CASK: variants seen among roughly 807,000 people sequenced by gnomAD.
CASK encodes peripheral plasma membrane protein CASK.
A neutral mutation model predicts 82.9 loss-of-function variants in CASK; 4 were observed. The observed-to-expected ratio is 0.05, with a 90% CI of 0.02 to 0.11. CASK has a LOEUF of 0.11. Among genes scored for constraint, CASK ranks in the 10% least tolerant of loss-of-function variants. CASK has a pLI of 1.00. For missense variants in CASK, 358 were observed against 720.9 expected (o/e 0.50, Z 5.76); for synonymous variants, 259 against 253.5 (o/e 1.02, Z -0.20).
At chrX:41,554,938 C>G (rs2065142156) in intron 20 of CASK, among the ~76,000 whole-genome samples, 1 of 111,919 alleles carries the variant, frequency 8.9e-6, no homozygotes, top group African/African-American at 3.2e-5. Flanking sequence ...AACCTGAAGA[C>G]TTTGGAACCA....
intron 3 of CASK, among the ~76,000 whole-genome samples, chrX:41,777,370 T>A (rs2069384845): frequency 9.1e-6 from 1 of 109,311 alleles, no homozygotes; most frequent in Admixed American, 9.9e-5. Flanking sequence ...TGCATGCCTG[T>A]AGTCCCAGCT....
intron 2 of CASK, among the ~76,000 whole-genome samples, chrX:41,830,752 G>C (rs758340801): frequency 1.4e-4 from 15 of 104,381 alleles, no homozygotes; most frequent in Non-Finnish European, 3.9e-5. Flanking sequence ...CCCAGGAGGC[G>C]GAGCTTGCAG....
chrX:41,915,970 AGAGT>A (rs774235767), intron 1 of CASK, among the ~76,000 whole-genome samples: 2 of 111,398 alleles, frequency 1.8e-5, no homozygotes, highest in African/African-American at 6.5e-5. Context: ...CCTGGGCGAC[AGAGT>A]GAGACTCCGT....
intron 14 of CASK, chrX:41,585,288 T>A (rs2147220280): frequency 8.8e-6 from 1 of 113,059 alleles, no homozygotes; most frequent in Admixed American, 9.3e-5. Context: ...ACAGTGCTGT[T>A]ACCATAGAAT....
chrX:41,760,902 T>C (rs2068987788), intron 3 of CASK, among the ~76,000 whole-genome samples: 1 of 111,800 alleles, frequency 8.9e-6, no homozygotes, highest in African/African-American at 3.3e-5. Context: ...CTACTTACTT[T>C]TGCAGGTAGA....
chrX:41,681,084 T>C (rs1234426250), intron 5 of CASK, among the ~76,000 whole-genome samples: 2 of 111,879 alleles, frequency 1.8e-5, no homozygotes, highest in African/African-American at 3.2e-5. Context: ...ACAAAATATA[T>C]TGAAAGTTTT....
At chrX:41,863,674 A>G (rs2071535764) in intron 1 of CASK, among the ~76,000 whole-genome samples, 1 of 112,292 alleles carries the variant, frequency 8.9e-6, no homozygotes, top group Admixed American at 9.4e-5. Flanking sequence ...AATTGGCCCA[A>G]TGAAAATATT....
At position 41,769,943 on chromosome X, in the gene CASK, T is replaced by TCAA. The variant is rs753101943; in HGVS notation, c.278+17232_278+17234dup. Among the ~76,000 whole-genome samples, 408 of 110,423 alleles carry TCAA rather than the reference T, an allele frequency of 3.7e-3. 1 individual carries two copies. The highest frequency in any genetic ancestry group is 8.3e-3 in the Admixed American group (85 of 10,288). On this transcript the variant is annotated intron_variant, in intron 3 of 26. Transcript: ENST00000378163. ...CTGGGCAACAGAGTAAGACCCTGTC[T>TCAA]CAACAACAACAACAACAACAACAAA...
intron 2 of CASK, among the ~76,000 whole-genome samples, chrX:41,835,627 G>A (rs1450099703): frequency 8.9e-6 from 1 of 111,783 alleles, no homozygotes; most frequent in Non-Finnish European, 1.9e-5. Flanking sequence ...TGGGGATTAT[G>A]GCCAACATGT....
chrX:41,544,813 A>G (rs1198649200), intron 21 of CASK, among the ~76,000 whole-genome samples: 1 of 110,872 alleles, frequency 9.0e-6, no homozygotes, highest in Admixed American at 9.6e-5. Flanking sequence ...AAGCAGGAGG[A>G]TGACTTGAGT....
intron 10 of CASK, among the ~76,000 whole-genome samples, chrX:41,624,663 G>C (rs1226181700): frequency 8.9e-6 from 1 of 111,786 alleles, no homozygotes; most frequent in Non-Finnish European, 1.9e-5. Flanking sequence ...TTTTGCACAA[G>C]GTACAAGCAC....
chrX:41,777,108 A>G (rs2069378487), intron 3 of CASK, among the ~76,000 whole-genome samples: 1 of 112,239 alleles, frequency 8.9e-6, no homozygotes, highest in South Asian at 3.7e-4. Flanking sequence ...GCAATACTAC[A>G]TAGCAATAAA....
rs779954075 is a variant in CASK at position 41,686,403 on chromosome X, C to CT, written c.430-14874dup. Among the ~76,000 whole-genome samples the CT allele has an allele frequency of 5.7e-3, 539 of 94,374 alleles. 2 individuals carry two copies. Among genetic ancestry groups the CT allele is most frequent in the African/African-American group, 0.013 (332 of 26,461 alleles). 82.0% of individuals were successfully genotyped at this position (94,374 alleles called of 115,157 possible). Reference sequence around the variant, plus strand: ...ACCACACCTGGCCTTTTCTTTCTTTCTTTTTTTTTTTTTTTTTAGGGACAA... The same window carrying CT: ...ACCACACCTGGCCTTTTCTTTCTTTCTTTTTTTTTTTTTTTTTTAGGGACAA... On this transcript the variant is annotated intron_variant, in intron 5 of 26. Coordinates refer to ENST00000378163, the MANE Select transcript of CASK (RefSeq NM_001367721.1).
chrX:41,565,916 C>T (rs1306380068), intron 16 of CASK, among the ~76,000 whole-genome samples: 2 of 111,834 alleles, frequency 1.8e-5, no homozygotes, highest in Non-Finnish European at 3.8e-5. Flanking sequence ...CCCTGGGATG[C>T]AAGGCTGGTT....
chrX:41,722,642 T>A (rs2068187104), intron 5 of CASK, among the ~76,000 whole-genome samples: 1 of 112,087 alleles, frequency 8.9e-6, no homozygotes, highest in African/African-American at 3.2e-5. Context: ...GTAGTGATAG[T>A]AGAAGCTGTA....
chrX:41,851,300 T>A (rs1198690771), intron 2 of CASK, among the ~76,000 whole-genome samples: 1 of 111,996 alleles, frequency 8.9e-6, no homozygotes, highest in Non-Finnish European at 1.9e-5. Flanking sequence ...TTGAAGACAT[T>A]TATATAGCCA....
At position 41,739,990 on chromosome X, in the gene CASK, T is replaced by C. The variant is rs755832251; in HGVS notation, c.357-534A>G. ...AACATAATCAAGTTTTAGTTGGGGCTCCCTTGAACAAAGTGGAGTTAATTC... is the reference window on the plus strand; with the variant it reads ...AACATAATCAAGTTTTAGTTGGGGCCCCCTTGAACAAAGTGGAGTTAATTC... On this transcript the variant is annotated intron_variant, in intron 4 of 26. Transcript: ENST00000378163. Among the ~76,000 whole-genome samples, 8 of 112,229 alleles carry C rather than the reference T, an allele frequency of 7.1e-5. 1 individual carries two copies. Among genetic ancestry groups the C allele is most frequent in the Non-Finnish European group, 7.5e-5 (4 of 53,227 alleles).
chrX:41,899,351 T>C (rs992530407), intron 1 of CASK, among the ~76,000 whole-genome samples: 5 of 111,378 alleles, frequency 4.5e-5, no homozygotes, highest in East Asian at 2.8e-4. Context: ...TTGAGTCTTA[T>C]TTCTTTTTAT....
chrX:41,563,040 C>CAAAAAAAAA (rs141364032), intron 16 of CASK, among the ~76,000 whole-genome samples: 4 of 22,196 alleles, frequency 1.8e-4, no homozygotes, highest in African/African-American at 5.9e-4. Context: ...GACTCCATCT[C>CAAAAAAAAA]AAAAAAAAAA....
Sources: gnomAD v4.1 joint callset for allele counts (sites outside exome capture counted in the v4.1 genomes callset) on GRCh38, gnomAD v4.1.1 for gene constraint, MANE v1.5 for transcripts, NCBI Gene and HGNC (gene_info 2026-07-23, HGNC 2026-07-21) for gene names.